Variants in CCDC73 observed in about 807,000 individuals in gnomAD.
CCDC73 encodes coiled-coil domain containing 73.
Under a neutral mutation model 116.5 loss-of-function variants are expected in CCDC73, and 95 were observed. The observed-to-expected ratio is 0.82, with a 90% CI of 0.69 to 0.97. CCDC73 has a LOEUF of 0.97. CCDC73 is among the 50% of genes least tolerant of loss of function. The probability of loss-of-function intolerance (pLI) is 0.00; values close to 1 mark genes in which losing one functional copy is unlikely to be tolerated. For missense variants in CCDC73, 1,066 were observed against 1,206.8 expected (o/e 0.88, Z 1.73); for synonymous variants, 398 against 401.3 (o/e 0.99, Z 0.10).
chr11:32,731,159 C>T (rs934666938), intron 2 of CCDC73, among the ~76,000 whole-genome samples: 2 of 152,236 alleles, frequency 1.3e-5, no homozygotes. Context: ...CCCACACCCA[C>T]GGAGCTTGGC....
rs373247634 is a variant in CCDC73, at chr11:32,729,351, C to T, written c.136-11204G>A. Among the ~76,000 whole-genome samples the T allele has an allele frequency of 3.4e-4, 52 of 152,314 alleles. 2 individuals are homozygous for T. In the East Asian group the frequency reaches 6.5e-3, roughly 19 times the overall value. On this transcript the variant is annotated intron_variant, in intron 2 of 17. Transcript: ENST00000335185. ...CATGTCTCTGCAAAGGACATGATCT[C>T]GTTCCTTTTTATGGCTGCATAATAT...
chr11:32,702,708 T>C (rs764386480), intron 4 of CCDC73, among the ~76,000 whole-genome samples, 165 bp downstream of exon 4: 14 of 152,218 alleles, frequency 9.2e-5, no homozygotes, highest in Non-Finnish European at 1.5e-4. Context: ...CATTCTATTG[T>C]CAGTTGTGAT....
At chr11:32,809,999 C>T in the CCDC73 span, among the ~76,000 whole-genome samples, 2 of 152,200 alleles carry the variant, frequency 1.3e-5, no homozygotes, top group Non-Finnish European at 2.9e-5. Context: ...CTCAAAGATA[C>T]TGGACACTGC....
At chr11:32,732,099 G>T (rs2133346317) in intron 2 of CCDC73, among the ~76,000 whole-genome samples, 1 of 152,280 alleles carries the variant, frequency 6.6e-6, no homozygotes, top group Non-Finnish European at 1.5e-5. Context: ...GAAAACCATG[G>T]CACAAGAACT....
chr11:32,615,847 T>C (rs1256884345), intron 15 of CCDC73, 93 bp downstream of exon 15: 2 of 1,148,908 alleles, frequency 1.7e-6, no homozygotes, highest in Non-Finnish European at 1.2e-6. Flanking sequence ...GAATAAGTCA[T>C]GAAGAGGGGA....
chr11:32,674,456 A>G (rs185347108), intron 9 of CCDC73, among the ~76,000 whole-genome samples: 2 of 152,298 alleles, frequency 1.3e-5, no homozygotes, highest in East Asian at 3.9e-4. Context: ...GTTGCAAATC[A>G]TGGAAAACTG....
intron 14 of CCDC73, among the ~76,000 whole-genome samples, chr11:32,633,858 A>G (rs1013342571): frequency 9.2e-5 from 14 of 152,088 alleles, no homozygotes; most frequent in Non-Finnish European, 1.0e-4. Context: ...ACAGTGAGCC[A>G]CTCTTGTTAG....
At chr11:32,724,353 C>A (rs1481414143) in intron 2 of CCDC73, among the ~76,000 whole-genome samples, 1 of 152,122 alleles carries the variant, frequency 6.6e-6, no homozygotes, top group Non-Finnish European at 1.5e-5. Context: ...TATTATGATA[C>A]ATAATACATA....
chr11:32,627,436 G>C (rs934189375), intron 14 of CCDC73, among the ~76,000 whole-genome samples: 4 of 152,158 alleles, frequency 2.6e-5, no homozygotes, highest in Admixed American at 2.6e-4. Context: ...TCTAGAAGTA[G>C]AAATACCATT....
intron 6 of CCDC73, among the ~76,000 whole-genome samples, chr11:32,690,844 T>C (rs1377313632): frequency 6.6e-6 from 1 of 152,186 alleles, no homozygotes; most frequent in Non-Finnish European, 1.5e-5. Context: ...TTTGTTACAA[T>C]TAATGAACCT....
At chr11:32,643,844 A>T (rs1276925746) in intron 12 of CCDC73, among the ~76,000 whole-genome samples, 1 of 152,056 alleles carries the variant, frequency 6.6e-6, no homozygotes, top group Non-Finnish European at 1.5e-5. Flanking sequence ...TTTCTTCAAT[A>T]ATAAATCAAG....
At chr11:32,690,178 C>CA (rs1175871414) in intron 6 of CCDC73, among the ~76,000 whole-genome samples, 1 of 151,766 alleles carries the variant, frequency 6.6e-6, no homozygotes, top group Non-Finnish European at 1.5e-5. Context: ...AAATTGTTCC[C>CA]AAAAAATATA....
chr11:32,675,346 A>T (rs1401058720), intron 9 of CCDC73, among the ~76,000 whole-genome samples: 4 of 152,214 alleles, frequency 2.6e-5, no homozygotes, highest in African/African-American at 7.2e-5. Flanking sequence ...ATAAAAATGC[A>T]TGCTACTGGT....
intron 2 of CCDC73, among the ~76,000 whole-genome samples, chr11:32,727,163 G>A (rs1427845114): frequency 1.3e-5 from 2 of 152,158 alleles, no homozygotes; most frequent in South Asian, 4.1e-4. Context: ...GGGGAAGAAT[G>A]TCATAGAGAA....
intron 2 of CCDC73, among the ~76,000 whole-genome samples, chr11:32,745,850 A>G (rs1375482521): frequency 6.6e-6 from 1 of 151,162 alleles, no homozygotes; most frequent in East Asian, 1.9e-4. Context: ...CTTGAATACA[A>G]CACACTGATG....
intron 3 of CCDC73, 113 bp downstream of exon 3, chr11:32,717,963 C>T (rs1849959831): frequency 4.4e-6 from 3 of 689,566 alleles, no homozygotes; most frequent in South Asian, 3.9e-5. Flanking sequence ...GGGAAACTGC[C>T]CAAATGATTC....
the CCDC73 span, among the ~76,000 whole-genome samples, chr11:32,822,491 G>C: frequency 2.0e-5 from 3 of 152,114 alleles, no homozygotes; most frequent in Non-Finnish European, 4.4e-5. Flanking sequence ...AAATGTCCTG[G>C]AATAGTTTGA....
chr11:32,766,677 C>A (rs1021835023), intron 1 of CCDC73, among the ~76,000 whole-genome samples: 1 of 152,150 alleles, frequency 6.6e-6, no homozygotes, highest in Non-Finnish European at 1.5e-5. Context: ...ACACCAATAA[C>A]AGGCAAACAG....
chr11:32,759,381 A>G (rs1850371321), intron 2 of CCDC73, among the ~76,000 whole-genome samples: 1 of 129,318 alleles, frequency 7.7e-6, no homozygotes, highest in Non-Finnish European at 1.5e-5. Context: ...CCCAGGCTGT[A>G]GTGCAGTGGC....
Sources: gnomAD v4.1 joint callset for allele counts (sites outside exome capture counted in the v4.1 genomes callset) on GRCh38, gnomAD v4.1.1 for gene constraint, MANE v1.5 for transcripts, NCBI Gene and HGNC (gene_info 2026-07-23, HGNC 2026-07-21) for gene names.